DIABLO: variants seen among roughly 807,000 people sequenced by gnomAD.
DIABLO encodes the protein diablo IAP-binding mitochondrial protein.
DIABLO carries 32 observed loss-of-function variants against 31.7 expected under a neutral mutation model. The observed-to-expected ratio is 1.01, with a 90% CI of 0.76 to 1.35. DIABLO has a LOEUF of 1.35. Ranked by LOEUF, DIABLO falls within the 40% of genes most tolerant of loss-of-function variation. The pLI is 0.00. For missense variants in DIABLO, 316 were observed against 286.4 expected (o/e 1.10, Z -0.75); for synonymous variants, 132 against 103.2 (o/e 1.28, Z -1.69).
At chr12:122,220,284 T>C (rs963689254) in intron 2 of DIABLO, among the ~76,000 whole-genome samples, 2 of 151,716 alleles carry the variant, frequency 1.3e-5, no homozygotes, top group African/African-American at 4.8e-5. Flanking sequence ...ACTAATATAA[T>C]TACCTTAAGA....
intron 2 of DIABLO, among the ~76,000 whole-genome samples, chr12:122,223,185 A>G (rs1057019943): frequency 1.3e-5 from 2 of 152,120 alleles, no homozygotes; most frequent in Non-Finnish European, 2.9e-5. Flanking sequence ...CTGTAATCCC[A>G]GCACCTTGGG....
At chr12:122,225,334 C>T in intron 1 of DIABLO, 1 of 904,814 alleles carries the variant, frequency 1.1e-6, no homozygotes, top group Non-Finnish European at 1.3e-6. Context: ...TTGCAGTGAG[C>T]TGAGATCTCG....
intron 5 of DIABLO, among the ~76,000 whole-genome samples, chr12:122,213,951 G>A (rs1954145383): frequency 6.6e-6 from 1 of 152,084 alleles, no homozygotes; most frequent in Non-Finnish European, 1.5e-5. Context: ...CAGGCATGGT[G>A]GCAGGCGCTT....
chr12:122,218,165 G>C (rs986873134), intron 3 of DIABLO, 101 bp downstream of exon 3: 32 of 1,396,236 alleles, frequency 2.3e-5, no homozygotes, highest in Admixed American at 6.8e-5. Context: ...GCCTGGCTAT[G>C]TTTCAATCAA....
intron 1 of DIABLO, chr12:122,225,701 G>A (rs1954447381): frequency 4.3e-6 from 6 of 1,408,004 alleles, no homozygotes; most frequent in Admixed American, 2.9e-5. Context: ...CTGGTCAGGA[G>A]GCGGAGCAGC....
upstream of DIABLO, chr12:122,226,169 C>A: frequency 1.7e-6 from 2 of 1,183,352 alleles, no homozygotes; most frequent in Non-Finnish European, 2.4e-6. Flanking sequence ...GGAAAGGGGG[C>A]GAGGCTTAGG....
At chr12:122,210,863 ACT>A (rs1259837008) in intron 5 of DIABLO, among the ~76,000 whole-genome samples, 2 of 149,356 alleles carry the variant, frequency 1.3e-5, no homozygotes, top group Non-Finnish European at 2.9e-5. Flanking sequence ...ACTTAGCAAA[ACT>A]CTGTTTCTAC....
Position 122,226,011 on chromosome 12 carries a change from C to T in DIABLO, c.4G>A (p.Ala2Thr). The T allele has an allele frequency of 2.5e-6, 4 of 1,603,868 alleles. No homozygotes were observed. Among genetic ancestry groups the T allele is most frequent in the Non-Finnish European group, 3.4e-6 (4 of 1,176,108 alleles). ...CGCGACAGCCAACTCTTCAGAGCCG[C>T]CATTGTGCAGCGCGCGGACGCCAGA... is the stretch of plus-strand genomic sequence containing the variant. Reference protein sequence around the residue: MAALKSWLSRSV... With the variant: MTALKSWLSRSV... The change falls in exon 1 of 6, where the codon GCG (alanine) becomes ACG (threonine). Residue 2 changes from alanine (A) to threonine (T), a missense_variant. Coordinates refer to ENST00000464942, the MANE Select transcript of DIABLO (RefSeq NM_001371333.1).
At position 122,208,076 on chromosome 12, in the gene DIABLO, C is replaced by A; in HGVS notation, c.*305G>T. 1 of 602,932 alleles carries A rather than the reference C, an allele frequency of 1.7e-6. No homozygotes were observed. The highest frequency in any genetic ancestry group is 3.1e-6 in the Non-Finnish European group (1 of 323,246). The allele number at this position is 602,932 out of a possible 1,614,324, so 37.3% of individuals were successfully genotyped here. The stretch of plus-strand genomic sequence containing the variant: ...ACTTAAGGGCATGACAAAAAGGACT[C>A]CTCTCTCTGACCCAGGTAGGCAAAA... On this transcript the variant is annotated 3_prime_UTR_variant, in exon 6 of 6. Coordinates refer to ENST00000464942, the MANE Select transcript of DIABLO (RefSeq NM_001371333.1).
At chr12:122,209,596 C>T (rs1593166750) in intron 5 of DIABLO, 6 of 582,004 alleles carry the variant, frequency 1.0e-5, no homozygotes, top group Middle Eastern at 2.6e-4. Context: ...ACCTGGGAGG[C>T]GGAGGTTGCA....
intron 5 of DIABLO, among the ~76,000 whole-genome samples, chr12:122,214,691 A>T (rs745360636): frequency 6.6e-6 from 1 of 151,830 alleles, no homozygotes; most frequent in Non-Finnish European, 1.5e-5. Flanking sequence ...ACACGCGTTG[A>T]GTCCCTGTGC....
chr12:122,211,779 C>T (rs1447827184), intron 5 of DIABLO, among the ~76,000 whole-genome samples: 2 of 152,158 alleles, frequency 1.3e-5, no homozygotes, highest in Non-Finnish European at 2.9e-5. Flanking sequence ...GTATTACACA[C>T]ATCTCAGATC....
At chr12:122,219,884 TG>T (rs1371043838) in intron 2 of DIABLO, among the ~76,000 whole-genome samples, 2 of 146,374 alleles carry the variant, frequency 1.4e-5, no homozygotes, top group Non-Finnish European at 3.0e-5. Flanking sequence ...AAAAAGTGGA[TG>T]GGGGAGGGCA....
chr12:122,225,711 C>G (rs1317843371), intron 1 of DIABLO: 1 of 1,414,648 alleles, frequency 7.1e-7, no homozygotes, highest in Non-Finnish European at 9.2e-7. Context: ...GGCGGAGCAG[C>G]CCCAAGAAGG....
intron 5 of DIABLO, among the ~76,000 whole-genome samples, chr12:122,211,501 G>T (rs1954088374): frequency 6.6e-6 from 1 of 151,840 alleles, no homozygotes; most frequent in African/African-American, 2.4e-5. Context: ...TTGAGCCCAT[G>T]AGTTCAAAAT....
At chr12:122,226,054 A>C, upstream of DIABLO, 1 of 1,587,492 alleles carries the variant, frequency 6.3e-7, no homozygotes, top group Non-Finnish European at 8.6e-7. Flanking sequence ...GCCGGAAGTG[A>C]CGCAGCTTCG....
chr12:122,219,056 A>T (rs1374391672), intron 2 of DIABLO, among the ~76,000 whole-genome samples: 1 of 151,824 alleles, frequency 6.6e-6, no homozygotes, highest in East Asian at 1.9e-4. Flanking sequence ...AACATGGTGA[A>T]ACCCCGTCTC....
intron 2 of DIABLO, among the ~76,000 whole-genome samples, chr12:122,220,170 T>A (rs1277652710): frequency 6.6e-6 from 1 of 151,980 alleles, no homozygotes; most frequent in Non-Finnish European, 1.5e-5. Context: ...GGTTTTGAAC[T>A]CCTGACCTCA....
At chr12:122,210,544 TTTA>T (rs1954061071) in intron 5 of DIABLO, among the ~76,000 whole-genome samples, 1 of 148,636 alleles carries the variant, frequency 6.7e-6, no homozygotes, top group African/African-American at 2.4e-5. Flanking sequence ...AATTTATTTA[TTTA>T]TTTTTTTTAT....
Sources: allele counts gnomAD v4.1 joint callset (sites outside exome capture counted in the v4.1 genomes callset), GRCh38; gene constraint gnomAD v4.1.1; transcripts MANE v1.5; gene names NCBI Gene and HGNC (gene_info 2026-07-23, HGNC 2026-07-21).